The following PREP variants were observed in gnomAD, a reference collection of about 807,000 sequenced individuals.
PREP encodes the protein dJ355L5.1 (prolyl endopeptidase).
Under a neutral mutation model 87.6 loss-of-function variants are expected in PREP, and 29 were observed. The ratio of observed to expected loss-of-function variants is 0.33; its 90% CI spans 0.25 to 0.45. The LOEUF (loss-of-function observed/expected upper bound fraction) is 0.45. Ranked by LOEUF, PREP falls within the 20% of genes least tolerant of loss-of-function variation. The pLI is 1.00. For missense variants in PREP, 695 were observed against 886.5 expected (o/e 0.78, Z 2.74); for synonymous variants, 337 against 328.6 (o/e 1.03, Z -0.28).
chr6:105,374,681 T>C (rs933315535), intron 4 of PREP, among the ~76,000 whole-genome samples: 3 of 43,392 alleles, frequency 6.9e-5, no homozygotes, highest in African/African-American at 1.4e-4. Flanking sequence ...TATATATATA[T>C]ATATATATAT....
In PREP at chr6:105,376,259, G is replaced by A; in HGVS notation, c.255-4C>T. On this transcript the variant is annotated splice_polypyrimidine_tract_variant and splice_region_variant and intron_variant, in intron 3 of 14. Transcript: ENST00000652536. ...TGTATTGTAAAAATAAAAATACCTGGGGAACAGAGATGGTCTTTATTCAGC... is the reference window on the plus strand; with the variant it reads ...TGTATTGTAAAAATAAAAATACCTGAGGAACAGAGATGGTCTTTATTCAGC... 1 of 1,612,156 alleles carries A rather than the reference G, an allele frequency of 6.2e-7. No homozygotes were observed. Among genetic ancestry groups the A allele is most frequent in the Non-Finnish European group, 8.5e-7 (1 of 1,179,088 alleles).
intron 12 of PREP, 61 bp downstream of exon 12, chr6:105,285,425 A>G: frequency 6.6e-7 from 1 of 1,520,764 alleles, no homozygotes; most frequent in Non-Finnish European, 9.1e-7. Flanking sequence ...AACAGGAAGG[A>G]TCAGCACAAC....
chr6:105,332,084 T>C (rs1403219200), intron 8 of PREP, among the ~76,000 whole-genome samples: 1 of 152,166 alleles, frequency 6.6e-6, no homozygotes, highest in Non-Finnish European at 1.5e-5. Context: ...TCTTGGGTCC[T>C]GTCCAACAGA....
chr6:105,368,980 C>T lies in PREP; in HGVS notation c.640G>A (p.Val214Ile), dbSNP rs1772468642. 1.2e-6 allele frequency: 2 copies of T among 1,613,980 alleles called. No individual in the cohort carries two copies. Among genetic ancestry groups the T allele is most frequent in the East Asian group, 2.2e-5 (1 of 44,848 alleles). The change falls in exon 6 of 15, where the codon GTC becomes ATC. Residue 214 changes from valine (V) to isoleucine (I), a missense_variant. Physicochemically the swap from Val to Ile is conservative, Grantham distance 29. Coordinates refer to ENST00000652536, the MANE Select transcript of PREP (RefSeq NM_002726.5). Reference sequence around the variant, plus strand: ...TCTTCTGACTGATCGGTTCCCAAGACATGGTAGTAGAGCTTTTGGTGGAGA... The same window carrying T: ...TCTTCTGACTGATCGGTTCCCAAGATATGGTAGTAGAGCTTTTGGTGGAGA... ...TNLHQKLYYH[V>I]LGTDQSEDIL... is the part of the protein sequence containing the mutation.
At chr6:105,309,620 A>T (rs1228647799) in intron 10 of PREP, among the ~76,000 whole-genome samples, 1 of 152,054 alleles carries the variant, frequency 6.6e-6, no homozygotes, top group Non-Finnish European at 1.5e-5. Flanking sequence ...AACTCAAGAT[A>T]AAATAAGTAA....
intron 1 of PREP, among the ~76,000 whole-genome samples, chr6:105,402,073 G>C (rs756181556): frequency 1.3e-5 from 2 of 152,158 alleles, no homozygotes; most frequent in Non-Finnish European, 2.9e-5. Flanking sequence ...GTTACCTTGA[G>C]TTCATCTGCA....
chr6:105,300,933 T>C (rs1235420002), intron 10 of PREP, among the ~76,000 whole-genome samples: 3 of 152,262 alleles, frequency 2.0e-5, no homozygotes, highest in Non-Finnish European at 4.4e-5. Flanking sequence ...TGTGCAAAGA[T>C]CAACTGTCTC....
At chr6:105,328,525 C>T (rs781717713) in intron 9 of PREP, among the ~76,000 whole-genome samples, 2 of 152,120 alleles carry the variant, frequency 1.3e-5, no homozygotes, top group Admixed American at 6.6e-5. Context: ...GCTGGGATTA[C>T]AGGAGTGAGA....
intron 2 of PREP, among the ~76,000 whole-genome samples, chr6:105,393,900 A>T (rs898742057): frequency 1.3e-5 from 2 of 151,224 alleles, no homozygotes; most frequent in African/African-American, 4.9e-5. Context: ...TATGTAATCC[A>T]TATAAAATAT....
intron 11 of PREP, among the ~76,000 whole-genome samples, chr6:105,288,346 G>GA (rs1264015379): frequency 6.6e-6 from 1 of 152,124 alleles, no homozygotes; most frequent in African/African-American, 2.4e-5. Context: ...CAAGCAGCAA[G>GA]AATTTTGTAG....
chr6:105,292,013 T>C (rs1770306677), intron 10 of PREP, among the ~76,000 whole-genome samples: 1 of 152,240 alleles, frequency 6.6e-6, no homozygotes, highest in African/African-American at 2.4e-5. Context: ...CAGGCTCCAC[T>C]TCTAATTCTC....
intron 5 of PREP, among the ~76,000 whole-genome samples, chr6:105,371,680 TA>T (rs1399476849): frequency 6.6e-6 from 1 of 151,892 alleles, no homozygotes. Flanking sequence ...TACCAGAATG[TA>T]AAAAAAGCTT....
chr6:105,339,510 C>T (rs540856565), intron 7 of PREP, among the ~76,000 whole-genome samples: 33 of 152,286 alleles, frequency 2.2e-4, no homozygotes, highest in South Asian at 8.3e-4. Flanking sequence ...TCGCCAGCAA[C>T]GGAACAAAGC....
chr6:105,358,844 C>T (rs924452623), intron 6 of PREP, among the ~76,000 whole-genome samples: 5 of 152,090 alleles, frequency 3.3e-5, no homozygotes, highest in African/African-American at 1.2e-4. Context: ...TTATGCCATT[C>T]GTCATTGTAA....
intron 6 of PREP, among the ~76,000 whole-genome samples, chr6:105,364,012 T>C (rs1322557484): frequency 6.6e-6 from 1 of 152,098 alleles, no homozygotes; most frequent in Non-Finnish European, 1.5e-5. Context: ...AGGCCAACAA[T>C]GATAGACCAA....
intron 10 of PREP, among the ~76,000 whole-genome samples, chr6:105,299,967 G>A (rs1770497622): frequency 6.6e-6 from 1 of 151,450 alleles, no homozygotes; most frequent in Non-Finnish European, 1.5e-5. Context: ...CATGATCTCA[G>A]CTCACTGCAG....
Position 105,333,460 on chromosome 6 carries a change from T to C in PREP, c.869A>G (p.Tyr290Cys), listed in dbSNP as rs1771392868. ...VKLIDNFEGE[Y>C]DYVTNEGTVF... ...CGTCCCCTCATTGGTCACGTAGTCA[T>C]ATTCCCCTTCAAAGTTGTCAATCAG... is the stretch of plus-strand genomic sequence containing the variant. The change falls in exon 8 of 15, where the codon TAT (tyrosine) becomes TGT (cysteine). Residue 290 changes from tyrosine to cysteine, a missense_variant. Physicochemically the swap from Tyr to Cys is radical, Grantham distance 194. Transcript: ENST00000652536. 1.9e-6 allele frequency: 3 copies of C among 1,614,198 alleles called. No homozygotes were observed. Among genetic ancestry groups the C allele is most frequent in the African/African-American group, 1.3e-5 (1 of 75,046 alleles).
intron 12 of PREP, among the ~76,000 whole-genome samples, chr6:105,283,402 G>A (rs903557383): frequency 3.9e-4 from 60 of 152,102 alleles, no homozygotes; most frequent in Non-Finnish European, 7.4e-5. Context: ...CTGAAATAAC[G>A]GCCTTTGAAA....
chr6:105,324,755 T>G (rs1453317091), intron 9 of PREP, among the ~76,000 whole-genome samples: 1 of 152,234 alleles, frequency 6.6e-6, no homozygotes, highest in East Asian at 1.9e-4. Flanking sequence ...TCTCGACTCC[T>G]CTGTGTATGC....
Sources: allele counts gnomAD v4.1 joint callset (sites outside exome capture counted in the v4.1 genomes callset), GRCh38; gene constraint gnomAD v4.1.1; transcripts MANE v1.5; gene names NCBI Gene and HGNC (gene_info 2026-07-23, HGNC 2026-07-21).